SNX4: variants seen among roughly 807,000 people sequenced by gnomAD.
The protein encoded by SNX4 is sorting nexin 4, also known as sorting nexin-4.
SNX4 carries 49 observed loss-of-function variants against 70.8 expected under a neutral mutation model. The ratio of observed to expected loss-of-function variants is 0.69; its 90% CI spans 0.55 to 0.88. The LOEUF (loss-of-function observed/expected upper bound fraction) is 0.88, where lower values mean the gene tolerates loss of function less well. Ranked by LOEUF, SNX4 falls within the 40% of genes least tolerant of loss-of-function variation. SNX4 has a pLI of 0.00. For missense variants in SNX4, 528 were observed against 544.8 expected (o/e 0.97, Z 0.31); for synonymous variants, 206 against 183.8 (o/e 1.12, Z -0.98).
chr3:125,484,044 G>T (rs982795423), intron 6 of SNX4, among the ~76,000 whole-genome samples: 3 of 152,176 alleles, frequency 2.0e-5, no homozygotes, highest in Non-Finnish European at 4.4e-5. Flanking sequence ...TAGGAAGATG[G>T]TGACATAAAA....
chr3:125,508,115 A>G (rs1159944851), intron 1 of SNX4, among the ~76,000 whole-genome samples: 1 of 152,254 alleles, frequency 6.6e-6, no homozygotes, highest in Non-Finnish European at 1.5e-5. Context: ...ATTTAATATT[A>G]TGAAGATATC....
chr3:125,508,498 C>T (rs1256438322), intron 1 of SNX4, among the ~76,000 whole-genome samples: 2 of 150,488 alleles, frequency 1.3e-5, no homozygotes, highest in South Asian at 2.1e-4. Context: ...ACCCGGGAGG[C>T]GGAGCTTGCA....
chr3:125,447,923 A>G, intron 13 of SNX4, 97 bp from the exon 14 acceptor site: 1 of 704,838 alleles, frequency 1.4e-6, no homozygotes, highest in Non-Finnish European at 2.4e-6. Flanking sequence ...GCTTTTTGGA[A>G]TAATTAAGAA....
At chr3:125,489,101 A>G (rs1225934834) in intron 6 of SNX4, among the ~76,000 whole-genome samples, 1 of 152,202 alleles carries the variant, frequency 6.6e-6, no homozygotes, top group Non-Finnish European at 1.5e-5. Flanking sequence ...CATATTTAAC[A>G]AGCAAAATCA....
rs1241813952 is a variant in SNX4 at position 125,451,272 on chromosome 3, C to T, written c.1305+33G>A. 3 of 1,458,136 alleles carry T rather than the reference C, an allele frequency of 2.1e-6. No individual in the cohort carries two copies. The African/African-American group carries it at 4.2e-5, about 20-fold the overall frequency. The allele number at this position is 1,458,136 out of a possible 1,614,324, so 90.3% of individuals were successfully genotyped here. On this transcript the variant is annotated intron_variant, in intron 13 of 13. Transcript: ENST00000251775. ...ACATGTATAAGCACTTCTGAATATA[C>T]ATATATCTTCACTGAAACAGGAAAA...
At chr3:125,476,841 C>G in intron 7 of SNX4, 85 bp from the exon 8 acceptor site, 1 of 723,446 alleles carries the variant, frequency 1.4e-6, no homozygotes, top group South Asian at 1.7e-5. Context: ...AAAAAACATG[C>G]TTACTACAAT....
At position 125,483,438 on chromosome 3, in the gene SNX4, T is replaced by C. The variant is rs1267125699; in HGVS notation, c.654-3119A>G. Reference sequence around the variant, plus strand: ...CAGCTTCCATACTCAGGATCTGGCATGACTACAAAATTCTTAGCTGTCATA... The same window carrying C: ...CAGCTTCCATACTCAGGATCTGGCACGACTACAAAATTCTTAGCTGTCATA... On this transcript the variant is annotated intron_variant, in intron 6 of 13. Coordinates refer to ENST00000251775, the MANE Select transcript of SNX4 (RefSeq NM_003794.4). 2.0e-5 allele frequency among the ~76,000 whole-genome samples: 3 copies of C among 152,278 alleles called. No individual in the cohort carries two copies. In the East Asian group the frequency reaches 5.8e-4, roughly 29 times the overall value.
intron 1 of SNX4, among the ~76,000 whole-genome samples, chr3:125,517,569 G>A (rs967163739): frequency 6.6e-6 from 1 of 152,176 alleles, no homozygotes; most frequent in Non-Finnish European, 1.5e-5. Context: ...GAGAGGAGGG[G>A]AAGGGGAAGG....
At chr3:125,448,300 ATTT>A (rs199847928) in intron 13 of SNX4, among the ~76,000 whole-genome samples, 2 of 131,754 alleles carry the variant, frequency 1.5e-5, no homozygotes, top group African/African-American at 2.8e-5. Context: ...TATTTTTTGT[ATTT>A]TTTTTTTTTT....
rs145790781 is a variant in SNX4, at chr3:125,456,628, C to A, written c.1044+638G>T. ...TACCACTGCACTCCAGCCTGGGAAA[C>A]AGAACCAGACCTTGTCTCAAAAAAT... On this transcript the variant is annotated intron_variant, in intron 11 of 13. Coordinates refer to ENST00000251775, the MANE Select transcript of SNX4 (RefSeq NM_003794.4). Among the ~76,000 whole-genome samples the A allele has an allele frequency of 1.2e-3, 189 of 152,260 alleles. 1 individual carries two copies. Among genetic ancestry groups the A allele is most frequent in the African/African-American group, 4.1e-3 (172 of 41,556 alleles).
intron 5 of SNX4, 45 bp from the exon 6 acceptor site, chr3:125,489,508 T>C (rs373819075): frequency 2.5e-5 from 37 of 1,490,790 alleles, no homozygotes; most frequent in Non-Finnish European, 3.3e-5. Flanking sequence ...CATTTCAGGG[T>C]ATAAAATTCA....
chr3:125,466,185 T>C (rs1435000535), intron 9 of SNX4, among the ~76,000 whole-genome samples: 2 of 152,172 alleles, frequency 1.3e-5, no homozygotes, highest in Non-Finnish European at 2.9e-5. Flanking sequence ...TGCTAGTATA[T>C]AATAGATTTT....
At chr3:125,449,295 A>T (rs557837630) in intron 13 of SNX4, 30 of 151,826 alleles carry the variant, frequency 2.0e-4, no homozygotes, top group African/African-American at 6.8e-4. Context: ...GGTGACACAC[A>T]CCTGTAATCC....
chr3:125,489,260 TCA>T (rs1934599543), intron 6 of SNX4, 146 bp downstream of exon 6: 2 of 605,476 alleles, frequency 3.3e-6, no homozygotes, highest in Admixed American at 3.4e-5. Context: ...AATTTCAAAT[TCA>T]GTTTTAGACT....
chr3:125,515,849 C>T (rs887137487), intron 1 of SNX4, among the ~76,000 whole-genome samples: 1 of 151,962 alleles, frequency 6.6e-6, no homozygotes, highest in Non-Finnish European at 1.5e-5. Context: ...GAGTTTGAGA[C>T]CAACCTGGAC....
chr3:125,461,545 T>C (rs1057217905), intron 9 of SNX4, among the ~76,000 whole-genome samples: 2 of 152,244 alleles, frequency 1.3e-5, no homozygotes, highest in Non-Finnish European at 2.9e-5. Flanking sequence ...GAGTTTGGTA[T>C]AATTGGTATA....
chr3:125,481,517 T>A (rs1934412432), intron 6 of SNX4, among the ~76,000 whole-genome samples: 1 of 151,800 alleles, frequency 6.6e-6, no homozygotes, highest in African/African-American at 2.4e-5. Context: ...GGCGCAATCT[T>A]GGCTCACCAC....
chr3:125,483,659 T>C (rs540729129), intron 6 of SNX4, among the ~76,000 whole-genome samples: 2 of 151,998 alleles, frequency 1.3e-5, no homozygotes, highest in Admixed American at 1.3e-4. Context: ...ACACAAATCA[T>C]CCCCAGGTGA....
At chr3:125,466,743 T>C (rs1242147361) in intron 9 of SNX4, among the ~76,000 whole-genome samples, 4 of 151,918 alleles carry the variant, frequency 2.6e-5, no homozygotes, top group Admixed American at 6.6e-5. Context: ...AGTAAGCTGA[T>C]AGCACCACTG....
Sources: allele counts gnomAD v4.1 joint callset (sites outside exome capture counted in the v4.1 genomes callset), GRCh38; gene constraint gnomAD v4.1.1; transcripts MANE v1.5; gene names NCBI Gene and HGNC (gene_info 2026-07-23, HGNC 2026-07-21).